The following EXT2 variants were observed in gnomAD, a reference collection of about 807,000 sequenced individuals.
EXT2 encodes the protein exostosin-2.
EXT2 carries 53 observed loss-of-function variants against 81.6 expected under a neutral mutation model. That is an observed-to-expected ratio of 0.65 (90% CI 0.52 to 0.82). EXT2 has a LOEUF of 0.82. Ranked by LOEUF, EXT2 falls within the 40% of genes least tolerant of loss-of-function variation. The pLI, the probability that EXT2 is intolerant of heterozygous loss-of-function variation, is 0.00. For synonymous variants in EXT2, 320 were observed against 340.0 expected (o/e 0.94, Z 0.65); for missense variants, 774 against 910.2 (o/e 0.85, Z 1.93).
chr11:44,171,855 A>AT, intron 8 of EXT2, 113 bp downstream of exon 8: 1 of 1,522,422 alleles, frequency 6.6e-7, no homozygotes, highest in Non-Finnish European at 9.0e-7. Context: ...TTCTAAGATG[A>AT]GAGTGTGCTT....
At chr11:44,161,971 A>G (rs1373455520) in intron 7 of EXT2, among the ~76,000 whole-genome samples, 2 of 152,252 alleles carry the variant, frequency 1.3e-5, no homozygotes, top group Non-Finnish European at 2.9e-5. Flanking sequence ...AAAGACTGAG[A>G]AACTGTCCCT....
intron 13 of EXT2, among the ~76,000 whole-genome samples, chr11:44,243,929 A>C (rs1289094127): frequency 6.6e-6 from 1 of 152,156 alleles, no homozygotes; most frequent in Non-Finnish European, 1.5e-5. Context: ...CTGAACTAAT[A>C]GTCCAAGTAC....
At chr11:44,227,054 T>C (rs1345703848) in intron 10 of EXT2, among the ~76,000 whole-genome samples, 1 of 152,234 alleles carries the variant, frequency 6.6e-6, no homozygotes, top group Non-Finnish European at 1.5e-5. Flanking sequence ...GACAGTGTGA[T>C]GACTGTAGAA....
chr11:44,116,203 T>G (rs1954219071), intron 4 of EXT2: 1 of 152,214 alleles, frequency 6.6e-6, no homozygotes, highest in South Asian at 2.1e-4. Flanking sequence ...GCAAGAATCC[T>G]TAATCTGCTT....
At chr11:44,206,704 C>G (rs895459422) in intron 9 of EXT2, 89 bp from the exon 10 acceptor site, 1 of 1,387,152 alleles carries the variant, frequency 7.2e-7, no homozygotes, top group African/African-American at 1.4e-5. Context: ...CAAGCTGATT[C>G]TCCCATCTCA....
Position 44,234,554 on chromosome 11 carries a change from T to C in EXT2, c.1935+311T>C, listed in dbSNP as rs775557154. On this transcript the variant is annotated intron_variant, in intron 12 of 13. Transcript: ENST00000533608. Reference sequence around the variant, plus strand: ...TCTCAAAGCTGATATGGGTTCTAGTTCTTTTAGTTAAAGGATGTAGTTTAA... The same window carrying C: ...TCTCAAAGCTGATATGGGTTCTAGTCCTTTTAGTTAAAGGATGTAGTTTAA... Among the ~76,000 whole-genome samples the C allele has an allele frequency of 6.6e-5, 10 of 151,744 alleles. 1 individual carries two copies. Among genetic ancestry groups the C allele is most frequent in the Admixed American group, 2.6e-4 (4 of 15,176 alleles).
At chr11:44,194,066 G>A (rs901681937) in intron 8 of EXT2, among the ~76,000 whole-genome samples, 6 of 152,182 alleles carry the variant, frequency 3.9e-5, no homozygotes, top group Non-Finnish European at 8.8e-5. Flanking sequence ...CAGTTTAAAT[G>A]CCAAGGCATT....
At chr11:44,136,305 G>A (rs2135045308) in intron 7 of EXT2, among the ~76,000 whole-genome samples, 1 of 152,270 alleles carries the variant, frequency 6.6e-6, no homozygotes. Flanking sequence ...CATTAGAAGA[G>A]TAATCTGAAT....
intron 13 of EXT2, among the ~76,000 whole-genome samples, chr11:44,239,190 C>G (rs1956005300): frequency 1.3e-5 from 2 of 151,950 alleles, no homozygotes; most frequent in African/African-American, 4.8e-5. Context: ...AAGGAGTTGA[C>G]AAACATACCT....
chr11:44,237,918 A>AAAAAC (rs1554941505), intron 13 of EXT2, among the ~76,000 whole-genome samples: 2 of 144,800 alleles, frequency 1.4e-5, no homozygotes, highest in African/African-American at 4.9e-5. Context: ...AAAAAAAAAA[A>AAAAAC]AAAAAAAAAA....
In EXT2 at chr11:44,114,286, C is replaced by G. The variant is rs200032672; in HGVS notation, c.728C>G (p.Pro243Arg). The G allele has an allele frequency of 1.3e-4, 203 of 1,613,596 alleles. No individual in the cohort carries two copies. Among genetic ancestry groups the G allele is most frequent in the Non-Finnish European group, 1.7e-4 (198 of 1,179,678 alleles). The change falls in exon 4 of 14, where the codon CCA becomes CGA. Residue 243 changes from proline (P) to arginine (R), a missense_variant. Physicochemically the swap from Pro to Arg is moderately radical, Grantham distance 103 (BLOSUM62 -2). Transcript: ENST00000533608. Reference sequence around the variant, plus strand: ...CCACTGTCAGCTGAGGTGGATCTTCCAGAGAAAGGACCAGGGTAAGGTACA... The same window carrying G: ...CCACTGTCAGCTGAGGTGGATCTTCGAGAGAAAGGACCAGGGTAAGGTACA... ...YSPLSAEVDL[P>R]EKGPGPRQYF... is the part of the protein sequence containing the mutation.
In EXT2 at chr11:44,205,007, TC is replaced by T. The variant is rs927028448; in HGVS notation, c.1496-1784del. ...AGTGATTGAACCTTACTAGTTTTGTTCCAGATCCAGAGAAACATGGGATTCT... is the reference window on the plus strand; with the variant it reads ...AGTGATTGAACCTTACTAGTTTTGTTCAGATCCAGAGAAACATGGGATTCT... On this transcript the variant is annotated intron_variant, in intron 9 of 13. Transcript: ENST00000533608. 4.6e-5 allele frequency among the ~76,000 whole-genome samples: 7 copies of T among 152,300 alleles called. No individual in the cohort carries two copies. The South Asian group carries it at 8.3e-4, about 18-fold the overall frequency.
chr11:44,122,712 C>T (rs1193292316), intron 4 of EXT2, among the ~76,000 whole-genome samples: 1 of 152,184 alleles, frequency 6.6e-6, no homozygotes, highest in Non-Finnish European at 1.5e-5. Flanking sequence ...TTCTTATCTC[C>T]ACTTACCGTC....
rs2134985017 is a variant in EXT2, at chr11:44,114,254, C to T, written c.696C>T (p.Val232=). 1.2e-6 allele frequency: 2 copies of T among 1,614,124 alleles called. No individual in the cohort carries two copies. Among genetic ancestry groups the T allele is most frequent in the Non-Finnish European group, 8.5e-7 (1 of 1,179,974 alleles). Residue 232 remains valine, a synonymous_variant, in exon 4 of 14, where the codon GTC becomes GTT. Coordinates refer to ENST00000533608, the MANE Select transcript of EXT2 (RefSeq NM_207122.2). ...YRQGYDVSIP[V]YSPLSAEVDL... ...AAGGCTACGATGTCAGCATTCCTGT[C>T]TATAGTCCACTGTCAGCTGAGGTGG...
At position 44,140,237 on chromosome 11, in the gene EXT2, G is replaced by A. The variant is rs149359906; in HGVS notation, c.1173+10099G>A. On this transcript the variant is annotated intron_variant, in intron 7 of 13. Coordinates refer to ENST00000533608, the MANE Select transcript of EXT2 (RefSeq NM_207122.2). The stretch of plus-strand genomic sequence containing the variant: ...TCTGACTGGCTGGACCTCTGCTTGC[G>A]TGTCTTTGCCAGCTCCAGCCTGCTG... Among the ~76,000 whole-genome samples, 100 of 152,252 alleles carry A rather than the reference G, an allele frequency of 6.6e-4. 1 individual carries two copies. The highest frequency in any genetic ancestry group is 1.9e-3 in the African/African-American group (78 of 41,560).
intron 7 of EXT2, among the ~76,000 whole-genome samples, chr11:44,166,911 A>G (rs1260227957): frequency 6.6e-6 from 1 of 152,232 alleles, no homozygotes; most frequent in Non-Finnish European, 1.5e-5. Context: ...AATAGCTGAT[A>G]CTGGAGCAAC....
intron 10 of EXT2, among the ~76,000 whole-genome samples, chr11:44,226,597 A>C (rs1955840460): frequency 2.6e-5 from 4 of 152,322 alleles, no homozygotes; most frequent in Middle Eastern, 3.4e-3. Context: ...CCAAAAATAA[A>C]AGGTGAGCTT....
At chr11:44,214,695 T>C (rs1955695748) in intron 10 of EXT2, among the ~76,000 whole-genome samples, 1 of 152,212 alleles carries the variant, frequency 6.6e-6, no homozygotes, top group Non-Finnish European at 1.5e-5. Context: ...TTTTGTTTTA[T>C]GTCTTTCATG....
chr11:44,243,066 A>G (rs1047915951), intron 13 of EXT2, among the ~76,000 whole-genome samples: 1 of 152,242 alleles, frequency 6.6e-6, no homozygotes, highest in Non-Finnish European at 1.5e-5. Flanking sequence ...TAAAAGCTCA[A>G]AATGAAATAA....
Sources: allele counts gnomAD v4.1 joint callset (sites outside exome capture counted in the v4.1 genomes callset), GRCh38; gene constraint gnomAD v4.1.1; transcripts MANE v1.5; gene names NCBI Gene and HGNC (gene_info 2026-07-23, HGNC 2026-07-21).